Variants in CNTNAP2 observed in about 807,000 individuals in gnomAD.
CNTNAP2 encodes the protein contactin-associated protein-like 2.
CNTNAP2 carries 98 observed loss-of-function variants against 155.2 expected under a neutral mutation model. That is an observed-to-expected ratio of 0.63 (90% confidence interval 0.54 to 0.75). The LOEUF (loss-of-function observed/expected upper bound fraction) is 0.75, where lower values mean the gene tolerates loss of function less well. Among genes scored for constraint, CNTNAP2 ranks in the 30% least tolerant of loss-of-function variants. The pLI, the probability that CNTNAP2 is intolerant of heterozygous loss-of-function variation, is 0.00. For missense variants in CNTNAP2, 1,727 were observed against 1,688.1 expected (o/e 1.02, Z -0.40); for synonymous variants, 651 against 631.2 (o/e 1.03, Z -0.47).
At chr7:147,717,786 C>A (rs867068675) in intron 13 of CNTNAP2, among the ~76,000 whole-genome samples, 1 of 151,866 alleles carries the variant, frequency 6.6e-6, no homozygotes, top group Non-Finnish European at 1.5e-5. Flanking sequence ...GCTCAAGAGG[C>A]GGAGGTGGGA....
chr7:146,663,092 A>G (rs1800120816), intron 1 of CNTNAP2, among the ~76,000 whole-genome samples: 1 of 152,094 alleles, frequency 6.6e-6, no homozygotes, highest in South Asian at 2.1e-4. Flanking sequence ...AGCCTGGCCA[A>G]TATGGTGAAA....
At chr7:147,053,665 T>C (rs1232815103) in intron 4 of CNTNAP2, among the ~76,000 whole-genome samples, 1 of 152,132 alleles carries the variant, frequency 6.6e-6, no homozygotes, top group Non-Finnish European at 1.5e-5. Flanking sequence ...CTCTGAAATA[T>C]GAATAACAGT....
In CNTNAP2 at chr7:147,416,047, T is replaced by C. The variant is rs566996703; in HGVS notation, c.1670+20267T>C. On this transcript the variant is annotated intron_variant, in intron 10 of 23. Coordinates refer to ENST00000361727, the MANE Select transcript of CNTNAP2 (RefSeq NM_014141.6). ...TAATCCCAAACCAACTGAATTTCTC[T>C]GCTTATAGTTTTTGCAGTCTTATAA... Among the ~76,000 whole-genome samples the C allele has an allele frequency of 2.0e-5, 3 of 152,378 alleles. No individual in the cohort carries two copies. The East Asian group carries it at 5.8e-4, about 29-fold the overall frequency.
At chr7:147,500,332 C>G (rs149427519) in intron 11 of CNTNAP2, among the ~76,000 whole-genome samples, 233 of 152,190 alleles carry the variant, frequency 1.5e-3, no homozygotes, top group Admixed American at 3.0e-3. Context: ...AGCCTGGTCT[C>G]TTACAAACCA....
In CNTNAP2 at chr7:146,983,343, C is replaced by G. The variant is rs73463247; in HGVS notation, c.403-60564C>G. Among the ~76,000 whole-genome samples, 615 of 152,080 alleles carry G rather than the reference C, an allele frequency of 4.0e-3. 3 individuals carry two copies. The highest frequency in any genetic ancestry group is 0.014 in the African/African-American group (582 of 41,468). ...AGAGGAAGAGTGCCAGTGTATATTC[C>G]CTAATCCTCTGCTCAGGAAATTCAA... On this transcript the variant is annotated intron_variant, in intron 3 of 23. Transcript: ENST00000361727.
intron 1 of CNTNAP2, among the ~76,000 whole-genome samples, chr7:146,721,764 C>A (rs1414331359): frequency 8.1e-6 from 1 of 123,302 alleles, no homozygotes; most frequent in East Asian, 2.2e-4. Context: ...TATATATAGT[C>A]TACATATATA....
At chr7:147,826,371 A>G (rs2116628654) in intron 13 of CNTNAP2, among the ~76,000 whole-genome samples, 1 of 152,332 alleles carries the variant, frequency 6.6e-6, no homozygotes, top group East Asian at 1.9e-4. Context: ...CATAATTCTG[A>G]TTCTATAATT....
intron 13 of CNTNAP2, among the ~76,000 whole-genome samples, chr7:147,826,928 A>ATTT (rs34322489): frequency 8.9e-5 from 11 of 123,872 alleles, no homozygotes; most frequent in East Asian, 2.3e-4. Flanking sequence ...AGCTGAATAC[A>ATTT]TTTTTTTTTT....
intron 3 of CNTNAP2, among the ~76,000 whole-genome samples, chr7:146,929,531 C>T (rs960633672): frequency 6.6e-6 from 1 of 152,154 alleles, no homozygotes; most frequent in Non-Finnish European, 1.5e-5. Flanking sequence ...AAGCAGAGCG[C>T]CTCTCCTCCT....
intron 13 of CNTNAP2, among the ~76,000 whole-genome samples, chr7:147,767,902 T>G (rs1797407530): frequency 6.6e-6 from 1 of 152,092 alleles, no homozygotes; most frequent in Non-Finnish European, 1.5e-5. Context: ...ATTATGTTTT[T>G]TCTATGGGAG....
chr7:147,407,240 G>A (rs1224845573), intron 10 of CNTNAP2, among the ~76,000 whole-genome samples: 7 of 152,080 alleles, frequency 4.6e-5, no homozygotes, highest in Non-Finnish European at 7.4e-5. Flanking sequence ...AGGCCGAGGC[G>A]GGCAGATCAC....
At chr7:146,766,912 G>T (rs937976231) in intron 1 of CNTNAP2, among the ~76,000 whole-genome samples, 8 of 151,974 alleles carry the variant, frequency 5.3e-5, no homozygotes, top group East Asian at 1.9e-4. Flanking sequence ...AGTAAATTAG[G>T]TCACCTCCAT....
At chr7:147,581,010 C>T (rs752984254) in intron 12 of CNTNAP2, among the ~76,000 whole-genome samples, 16 of 152,274 alleles carry the variant, frequency 1.1e-4, no homozygotes, top group African/African-American at 2.4e-4. Context: ...ATTTCTCCAA[C>T]GCTGTGTTCT....
chr7:146,319,024 C>G (rs1419744440), intron 1 of CNTNAP2, among the ~76,000 whole-genome samples: 2 of 152,048 alleles, frequency 1.3e-5, no homozygotes, highest in Non-Finnish European at 2.9e-5. Flanking sequence ...GTAATACGCC[C>G]ACTGTCACAG....
intron 1 of CNTNAP2, among the ~76,000 whole-genome samples, chr7:146,666,405 G>T (rs1486975206): frequency 1.3e-5 from 2 of 152,072 alleles, no homozygotes; most frequent in Non-Finnish European, 2.9e-5. Flanking sequence ...TCTCTTATTG[G>T]ACGCCTAAGT....
chr7:147,216,547 A>G (rs1803273875), intron 8 of CNTNAP2, among the ~76,000 whole-genome samples: 1 of 103,232 alleles, frequency 9.7e-6, no homozygotes, highest in African/African-American at 4.1e-5. Flanking sequence ...CACCAACACT[A>G]AACACTAAAC....
intron 21 of CNTNAP2, among the ~76,000 whole-genome samples, chr7:148,360,852 C>G (rs1217719249): frequency 1.3e-5 from 2 of 149,898 alleles, no homozygotes; most frequent in South Asian, 4.4e-4. Flanking sequence ...TCTTGTTGCC[C>G]AGGCTGGAGT....
At chr7:146,598,400 C>A (rs1397227421) in intron 1 of CNTNAP2, among the ~76,000 whole-genome samples, 1 of 152,084 alleles carries the variant, frequency 6.6e-6, no homozygotes, top group African/African-American at 2.4e-5. Context: ...TGGTAGATCT[C>A]CTGGAGAGTT....
intron 15 of CNTNAP2, among the ~76,000 whole-genome samples, chr7:148,021,863 TG>T (rs1268835815): frequency 6.6e-6 from 1 of 152,116 alleles, no homozygotes; most frequent in Admixed American, 6.5e-5. Flanking sequence ...CGGGTGAGCG[TG>T]GGGAAGGGCA....
Sources: gnomAD v4.1 joint callset for allele counts (sites outside exome capture counted in the v4.1 genomes callset) on GRCh38, gnomAD v4.1.1 for gene constraint, MANE v1.5 for transcripts, NCBI Gene and HGNC (gene_info 2026-07-23, HGNC 2026-07-21) for gene names.